The following TGFB1I1 variants were observed in gnomAD, a reference collection of about 807,000 sequenced individuals.
TGFB1I1 encodes transforming growth factor beta 1 induced transcript 1, also known as transforming growth factor beta-1-induced transcript 1 protein.
A neutral mutation model predicts 52.0 loss-of-function variants in TGFB1I1; 33 were observed. The ratio of observed to expected loss-of-function variants is 0.63; its 90% CI spans 0.48 to 0.85. TGFB1I1 has a LOEUF of 0.85. TGFB1I1 is among the 40% of genes least tolerant of loss of function. The pLI is 0.00. For missense variants in TGFB1I1, 577 were observed against 614.9 expected, an observed-to-expected ratio of 0.94 and a Z score of 0.65; for synonymous variants, 236 against 253.3, an observed-to-expected ratio of 0.93 and a Z score of 0.65.
Position 31,474,271 on chromosome 16 carries a change from A to T in TGFB1I1, c.413+32A>T. ...TTGGCGTCGTTGTCAGGGCTGAGAG[A>T]TGAGTCCTGGATATCTGAGTCACTA... On this transcript the variant is annotated intron_variant, in intron 5 of 10. Transcript: ENST00000394863. This position sits in a 1 kb window ranked among gnomAD's most constrained non-coding sequence, Gnocchi z 4.2. 6.2e-7 allele frequency: 1 copy of T among 1,612,716 alleles called. No individual in the cohort carries two copies. The highest frequency in any genetic ancestry group is 8.5e-7 in the Non-Finnish European group (1 of 1,178,754).
chr16:31,477,184 C>A lies in TGFB1I1; in HGVS notation c.1120-126C>A. On this transcript the variant is annotated intron_variant, in intron 10 of 10. Coordinates refer to ENST00000394863, the MANE Select transcript of TGFB1I1 (RefSeq NM_001042454.3). This position sits in a 1 kb window ranked among gnomAD's most constrained non-coding sequence, Gnocchi z 4.7. ...GGGGCGAGTTTTCCGGGCAGGGTCC[C>A]ACCGGACGGGATTCTTCGCGTCTAG... The A allele has an allele frequency of 6.9e-7, 1 of 1,451,932 alleles. No homozygotes were observed. The highest frequency in any genetic ancestry group is 9.2e-7 in the Non-Finnish European group (1 of 1,088,490). The allele number at this position is 1,451,932 out of a possible 1,614,324, so 89.9% of individuals were successfully genotyped here.
chr16:31,477,056 AGGGCTGTG>A lies in TGFB1I1; in HGVS notation c.1119+51_1119+58del. The A allele has an allele frequency of 2.6e-6, 2 of 762,928 alleles. No individual in the cohort carries two copies. The highest frequency in any genetic ancestry group is 3.8e-6 in the Non-Finnish European group (2 of 532,156). 47.3% of individuals were successfully genotyped at this position (762,928 alleles called of 1,614,324 possible). A position where few individuals can be genotyped will look rare whatever the true frequency, so the allele number is the denominator to read the frequency against. On this transcript the variant is annotated intron_variant, in intron 10 of 10. Coordinates refer to ENST00000394863, the MANE Select transcript of TGFB1I1 (RefSeq NM_001042454.3). This position sits in a 1 kb window ranked among gnomAD's most constrained non-coding sequence, Gnocchi z 4.7. ...CGTTGGAGGGGCGGGTCAAGGGTAC[AGGGCTGTG>A]GGGCGGGGCCTTGGAGGGGCGGGTC...
chr16:31,476,184 A>G lies in TGFB1I1; in HGVS notation c.887A>G (p.His296Arg). 6.2e-7 allele frequency: 1 copy of G among 1,611,196 alleles called. No individual in the cohort carries two copies. Among genetic ancestry groups the G allele is most frequent in the East Asian group, 2.2e-5 (1 of 44,802 alleles). ...GGCTTCTGCAACCAGCCCATCCGAC[A>G]CGTGAGCCCCGCCCGGCCGCACCGA... is the stretch of plus-strand genomic sequence containing the variant. ...RCGFCNQPIR[H>R]KMVTALGTHW... The change falls in exon 8 of 11, where the codon CAC becomes CGC. Residue 296 changes from histidine (H) to arginine (R), a missense_variant and splice_region_variant. His to Arg is a conservative substitution (Grantham distance 29). This residue lies in a region of TGFB1I1 where 456 missense variants were observed against 461.6 expected (regional missense o/e 0.99). Transcript: ENST00000394863. The surrounding 1 kb of genome is among the most constrained non-coding windows in gnomAD (Gnocchi z 7.6).
intron 1 of TGFB1I1, chr16:31,472,544 A>G (rs1436727018): frequency 2.2e-5 from 6 of 272,448 alleles, no homozygotes; most frequent in South Asian, 1.6e-4. Context: ...GGGCACGGGA[A>G]AGTCTGGCAT....
chr16:31,475,754 G>T, intron 7 of TGFB1I1: 1 of 418,810 alleles, frequency 2.4e-6, no homozygotes, highest in Non-Finnish European at 4.2e-6. Context: ...AAATTAAAAC[G>T]TTTTTATGGG....
In TGFB1I1 at chr16:31,475,892, G is replaced by A; in HGVS notation, c.715-120G>A. On this transcript the variant is annotated intron_variant, in intron 7 of 10. Transcript: ENST00000394863. ...CATCGCTTACAGGCTGCGTGATCTC[G>A]AACACTGGATTCTTTATTCTGATCG... 3.6e-6 allele frequency: 4 copies of A among 1,124,848 alleles called. No individual in the cohort carries two copies. The South Asian group carries it at 4.5e-5, about 13-fold the overall frequency. 69.7% of individuals were successfully genotyped at this position (1,124,848 alleles called of 1,614,324 possible). A position where few individuals can be genotyped will look rare whatever the true frequency, so the allele number is the denominator to read the frequency against.
In TGFB1I1 at chr16:31,476,673, T is replaced by C. The variant is rs1328828500; in HGVS notation, c.970+111T>C. 5.6e-6 allele frequency: 8 copies of C among 1,436,390 alleles called. 1 individual carries two copies. The African/African-American group carries it at 9.8e-5, about 18-fold the overall frequency. 89.0% of individuals were successfully genotyped at this position (1,436,390 alleles called of 1,614,324 possible). On this transcript the variant is annotated intron_variant, in intron 9 of 10. Coordinates refer to ENST00000394863, the MANE Select transcript of TGFB1I1 (RefSeq NM_001042454.3). The surrounding 1 kb of genome is among the most constrained non-coding windows in gnomAD (Gnocchi z 7.6). ...GGCCATGGTTTTCCTTCTGCTCTCT[T>C]CTGGCCCTGCCCTCTCCTACACAGA...
In TGFB1I1 at chr16:31,473,540, A is replaced by G. The variant is rs1224524796; in HGVS notation, c.113A>G (p.Tyr38Cys). Reference sequence around the variant, plus strand: ...GAGCCTCTCACCCCTCCCCCATCCTATGGCCACCAGCCACAGGTGAGATCG... The same window carrying G: ...GAGCCTCTCACCCCTCCCCCATCCTGTGGCCACCAGCCACAGGTGAGATCG... The part of the protein sequence containing the change: ...PAEPLTPPPS[Y>C]GHQPQTGSGE... Residue 38 changes from tyrosine (Y) to cysteine (C), a missense_variant, in exon 2 of 11, where the codon TAT (tyrosine) becomes TGT (cysteine). Physicochemically the swap from Tyr to Cys is radical, Grantham distance 194 (BLOSUM62 -2). Coordinates refer to ENST00000394863, the MANE Select transcript of TGFB1I1 (RefSeq NM_001042454.3). 6 of 1,613,482 alleles carry G rather than the reference A, an allele frequency of 3.7e-6. No homozygotes were observed. Among genetic ancestry groups the G allele is most frequent in the Admixed American group, 3.3e-5 (2 of 59,988 alleles).
intron 1 of TGFB1I1, 83 bp from the exon 2 acceptor site, chr16:31,473,358 T>C: frequency 6.6e-7 from 1 of 1,508,444 alleles, no homozygotes; most frequent in Non-Finnish European, 9.0e-7. Context: ...GCTTCTGTCC[T>C]TCTCCAGTAC....
chr16:31,477,756 A>C lies in TGFB1I1; in HGVS notation c.*180A>C. Reference sequence around the variant, plus strand: ...AAACGGCCCAGCCAGACCTAAACCCACACGCCCACAAAGTGGATTGCACAC... The same window carrying C: ...AAACGGCCCAGCCAGACCTAAACCCCCACGCCCACAAAGTGGATTGCACAC... On this transcript the variant is annotated 3_prime_UTR_variant, in exon 11 of 11. Coordinates refer to ENST00000394863, the MANE Select transcript of TGFB1I1 (RefSeq NM_001042454.3). The surrounding 1 kb of genome is among the most constrained non-coding windows in gnomAD (Gnocchi z 4.7). 1 of 773,248 alleles carries C rather than the reference A, an allele frequency of 1.3e-6. No individual in the cohort carries two copies. Among genetic ancestry groups the C allele is most frequent in the Non-Finnish European group, 2.0e-6 (1 of 503,600 alleles). The allele number at this position is 773,248 out of a possible 1,614,324, so 47.9% of individuals were successfully genotyped here.
In TGFB1I1 at chr16:31,476,000, T is replaced by A; in HGVS notation, c.715-12T>A. The A allele has an allele frequency of 6.2e-7, 1 of 1,608,516 alleles. No individual in the cohort carries two copies. The highest frequency in any genetic ancestry group is 8.5e-7 in the Non-Finnish European group (1 of 1,178,290). Reference sequence around the variant, plus strand: ...CAGAGCCGCTCTGACCCGCCTCACCTCCCACTCGCAGGTGGTGACGGCTCT... The same window carrying A: ...CAGAGCCGCTCTGACCCGCCTCACCACCCACTCGCAGGTGGTGACGGCTCT... On this transcript the variant is annotated splice_polypyrimidine_tract_variant and intron_variant, in intron 7 of 10. Transcript: ENST00000394863.
Position 31,476,809 on chromosome 16 carries a change from C to T in TGFB1I1, c.971-53C>T, listed in dbSNP as rs559729099. The T allele has an allele frequency of 1.2e-6, 2 of 1,605,118 alleles. No individual in the cohort carries two copies. The highest frequency in any genetic ancestry group is 2.3e-5 in the East Asian group (1 of 44,248). ...GCCCCAGATCTCAGGTCTTGTGGGT[C>T]CCCCGTCCCGCCCGCACCCTTTGCT... is the stretch of plus-strand genomic sequence containing the variant. On this transcript the variant is annotated intron_variant, in intron 9 of 10. Coordinates refer to ENST00000394863, the MANE Select transcript of TGFB1I1 (RefSeq NM_001042454.3). This position sits in a 1 kb window ranked among gnomAD's most constrained non-coding sequence, Gnocchi z 7.6.
At position 31,477,072 on chromosome 16, in the gene TGFB1I1, GC is replaced by G; in HGVS notation, c.1119+64del. 1 of 1,375,446 alleles carries G rather than the reference GC, an allele frequency of 7.3e-7. No individual in the cohort carries two copies. The highest frequency in any genetic ancestry group is 9.8e-7 in the Non-Finnish European group (1 of 1,020,460). 85.2% of individuals were successfully genotyped at this position (1,375,446 alleles called of 1,614,324 possible). The stretch of plus-strand genomic sequence containing the variant: ...CAAGGGTACAGGGCTGTGGGGCGGG[GC>G]CTTGGAGGGGCGGGTCAAGGGTGCA... On this transcript the variant is annotated intron_variant, in intron 10 of 10. Transcript: ENST00000394863. This position sits in a 1 kb window ranked among gnomAD's most constrained non-coding sequence, Gnocchi z 4.7.
rs142547916 is a variant in TGFB1I1, at chr16:31,474,361, C to G, written c.425C>G (p.Pro142Arg). 4 of 1,614,060 alleles carry G rather than the reference C, an allele frequency of 2.5e-6. No individual in the cohort carries two copies. Among genetic ancestry groups the G allele is most frequent in the Non-Finnish European group, 3.4e-6 (4 of 1,180,048 alleles). The change falls in exon 6 of 11, where the codon CCG becomes CGG. Residue 142 changes from proline to arginine, a missense_variant. Around this residue, in one of 3 missense-constraint regions of TGFB1I1, gnomAD observed 456 missense variants for 461.6 expected, o/e 0.99. Coordinates refer to ENST00000394863, the MANE Select transcript of TGFB1I1 (RefSeq NM_001042454.3). The surrounding 1 kb of genome is among the most constrained non-coding windows in gnomAD (Gnocchi z 4.2). ...CATGTTCTTCACAGCCCTTCCAGCCCGTCTCCTGGCCTCCCAAAGGCTTCT... is the reference window on the plus strand; with the variant it reads ...CATGTTCTTCACAGCCCTTCCAGCCGGTCTCCTGGCCTCCCAAAGGCTTCT... Reference protein sequence around the residue: ...DKKRPSLPSSPSPGLPKASAT... With the variant: ...DKKRPSLPSSRSPGLPKASAT...
Position 31,476,131 on chromosome 16 carries a change from C to G in TGFB1I1, c.834C>G (p.Cys278Trp), listed in dbSNP as rs777718266. 3.1e-6 allele frequency: 5 copies of G among 1,613,802 alleles called. No individual in the cohort carries two copies. The South Asian group carries it at 4.4e-5, about 14-fold the overall frequency. ...EKDGAPFCPE[C>W]YFERFSPRCG... ...ATGGAGCCCCCTTCTGCCCCGAGTG[C>G]TACTTTGAGCGCTTCTCGCCAAGAT... Residue 278 changes from cysteine (C) to tryptophan (W), a missense_variant, in exon 8 of 11, where the codon TGC becomes TGG. Cys to Trp is a radical substitution (Grantham distance 215). Around this residue, in one of 3 missense-constraint regions of TGFB1I1, gnomAD observed 456 missense variants for 461.6 expected, o/e 0.99. Transcript: ENST00000394863. This position sits in a 1 kb window ranked among gnomAD's most constrained non-coding sequence, Gnocchi z 7.6.
In TGFB1I1 at chr16:31,474,869, C is replaced by A. The variant is rs1010021974; in HGVS notation, c.714+112C>A. ...GTAAGTTAATCTGGGAAGTGGGTAT[C>A]ATTATTACTTATGTTTTATGGATGA... On this transcript the variant is annotated intron_variant, in intron 7 of 10. Transcript: ENST00000394863. This position sits in a 1 kb window ranked among gnomAD's most constrained non-coding sequence, Gnocchi z 4.2. The A allele has an allele frequency of 1.0e-6, 1 of 1,003,962 alleles. No individual in the cohort carries two copies. The highest frequency in any genetic ancestry group is 1.5e-6 in the Non-Finnish European group (1 of 685,794). 62.2% of individuals were successfully genotyped at this position (1,003,962 alleles called of 1,614,324 possible).
rs1691338675 is a variant in TGFB1I1 at position 31,477,401 on chromosome 16, T to C, written c.1211T>C (p.Leu404Pro). 1.2e-6 allele frequency: 2 copies of C among 1,609,506 alleles called. No homozygotes were observed. The highest frequency in any genetic ancestry group is 2.2e-5 in the South Asian group (2 of 90,434). The change falls in exon 11 of 11, where the codon CTG (leucine) becomes CCG (proline). Residue 404 changes from leucine (L) to proline (P), a missense_variant. Around this residue, in one of 3 missense-constraint regions of TGFB1I1, gnomAD observed 456 missense variants for 461.6 expected, o/e 0.99. Transcript: ENST00000394863. The surrounding 1 kb of genome is among the most constrained non-coding windows in gnomAD (Gnocchi z 4.7). Reference sequence around the variant, plus strand: ...CACTTCCACGCACGACGCGGCTCGCTGTGCGCCACGTGTGGCCTCCCTGTG... The same window carrying C: ...CACTTCCACGCACGACGCGGCTCGCCGTGCGCCACGTGTGGCCTCCCTGTG... ...ENHFHARRGS[L>P]CATCGLPVTG...
chr16:31,474,454 A>G lies in TGFB1I1; in HGVS notation c.518A>G (p.His173Arg). ...CTCTCTGACTTCCGCGTTCAAAACC[A>G]TGTGAGTTGGGCAGTGGGCCAGTGT... is the stretch of plus-strand genomic sequence containing the variant. Reference protein sequence around the residue: ...ASLSDFRVQNHLPASGPTQPP... With the variant: ...ASLSDFRVQNRLPASGPTQPP... The change falls in exon 6 of 11, where the codon CAT (histidine) becomes CGT (arginine). Residue 173 changes from histidine (H) to arginine (R), a missense_variant and splice_region_variant. Around this residue, in one of 3 missense-constraint regions of TGFB1I1, gnomAD observed 456 missense variants for 461.6 expected, o/e 0.99. Coordinates refer to ENST00000394863, the MANE Select transcript of TGFB1I1 (RefSeq NM_001042454.3). This position sits in a 1 kb window ranked among gnomAD's most constrained non-coding sequence, Gnocchi z 4.2. The G allele has an allele frequency of 1.9e-6, 3 of 1,614,142 alleles. No individual in the cohort carries two copies. The highest frequency in any genetic ancestry group is 2.5e-6 in the Non-Finnish European group (3 of 1,180,030).
intron 7 of TGFB1I1, chr16:31,475,486 G>T (rs1288813768): frequency 6.5e-6 from 1 of 153,138 alleles, no homozygotes; most frequent in Non-Finnish European, 1.5e-5. Flanking sequence ...GAGTGCAGTG[G>T]TGCGATTGTG....
Sources: gnomAD v4.1 joint callset for allele counts on GRCh38, gnomAD v4.1.1 for gene constraint, gnomAD v4.1.1 regional missense constraint, Gnocchi (gnomAD v3.1) non-coding constraint, MANE v1.5 for transcripts, NCBI Gene and HGNC (gene_info 2026-07-23, HGNC 2026-07-21) for gene names.